Variants in DNAH11 observed in about 807,000 individuals in gnomAD.
DNAH11 encodes the protein axonemal beta dynein heavy chain 11.
Under a neutral mutation model 526.0 loss-of-function variants are expected in DNAH11, and 442 were observed. That is an observed-to-expected ratio of 0.84 (90% CI 0.78 to 0.91). DNAH11 has a LOEUF of 0.91. DNAH11 is among the 40% of genes least tolerant of loss of function. The pLI is 0.00. For synonymous variants in DNAH11, 2,461 were observed against 1,935.9 expected, an observed-to-expected ratio of 1.27 and a Z score of -7.12; for missense variants, 6,989 against 5,448.7, an observed-to-expected ratio of 1.28 and a Z score of -8.90.
chr7:21,782,500 T>C (rs1020302290), intron 57 of DNAH11, among the ~76,000 whole-genome samples: 12 of 152,242 alleles, frequency 7.9e-5, no homozygotes, highest in African/African-American at 9.6e-5. Flanking sequence ...TGTTCATTTG[T>C]ATAAGTGAGT....
intron 39 of DNAH11, 115 bp from the exon 40 acceptor site, chr7:21,707,584 C>A: frequency 5.4e-6 from 7 of 1,293,328 alleles, no homozygotes; most frequent in Non-Finnish European, 7.3e-6. Context: ...GATCTTAGCA[C>A]ACACACAGCA....
intron 34 of DNAH11, among the ~76,000 whole-genome samples, chr7:21,687,892 A>G (rs1562490882): frequency 6.6e-6 from 1 of 152,134 alleles, no homozygotes; most frequent in Non-Finnish European, 1.5e-5. Flanking sequence ...TGGTGTCTAC[A>G]AAATAAATAA....
intron 20 of DNAH11, among the ~76,000 whole-genome samples, chr7:21,609,256 C>T (rs1009053080): frequency 1.3e-5 from 2 of 152,072 alleles, no homozygotes; most frequent in African/African-American, 4.8e-5. Flanking sequence ...CGCTCTGTCA[C>T]CCAGGCTGGA....
At chr7:21,698,274 A>G in intron 36 of DNAH11, 61 bp downstream of exon 36, 1 of 1,590,192 alleles carries the variant, frequency 6.3e-7, no homozygotes, top group Non-Finnish European at 8.5e-7. Flanking sequence ...CTTTTGAAGT[A>G]TGGATTTTAG....
intron 35 of DNAH11, among the ~76,000 whole-genome samples, chr7:21,695,417 C>T (rs1031277633): frequency 1.3e-5 from 2 of 152,112 alleles, no homozygotes; most frequent in Non-Finnish European, 2.9e-5. Flanking sequence ...TGGAACAGAA[C>T]GGAGGCCTCA....
chr7:21,809,012 T>G (rs1789394118), intron 63 of DNAH11, among the ~76,000 whole-genome samples: 1 of 152,202 alleles, frequency 6.6e-6, no homozygotes, highest in Non-Finnish European at 1.5e-5. Flanking sequence ...TATACAAGCT[T>G]TCCCTTTTCT....
intron 2 of DNAH11, among the ~76,000 whole-genome samples, chr7:21,556,865 C>T (rs966910983): frequency 6.6e-6 from 1 of 152,194 alleles, no homozygotes; most frequent in Non-Finnish European, 1.5e-5. Context: ...AGTTTGAAAC[C>T]AGCCTGACCA....
chr7:21,824,933 G>A (rs967610801), intron 65 of DNAH11, among the ~76,000 whole-genome samples: 3 of 152,038 alleles, frequency 2.0e-5, no homozygotes, highest in Admixed American at 6.6e-5. Context: ...GTGCAGTGGC[G>A]GGATCTTGGC....
rs1023663585 is a variant in DNAH11 at position 21,591,370 on chromosome 7, G to A, written c.2460G>A (p.Thr820=). The part of the protein sequence containing the change: ...WGYIERVRAA[T]SELEHRVERT... ...ACATCGAGAGGGTGAGGGCAGCCAC[G>A]TCCGAGTTGGAGCACAGAGTTGAGC... is the stretch of plus-strand genomic sequence containing the variant. Residue 820 remains threonine, a synonymous_variant, in exon 14 of 82, where the codon ACG becomes ACA. Coordinates refer to ENST00000409508, the MANE Select transcript of DNAH11 (RefSeq NM_001277115.2). 32 of 1,613,802 alleles carry A rather than the reference G, an allele frequency of 2.0e-5. No individual in the cohort carries two copies. Among genetic ancestry groups the A allele is most frequent in the African/African-American group, 4.0e-5 (3 of 74,910 alleles).
rs58775729 is a variant in DNAH11, at chr7:21,786,302, A to ATG, written c.9598-296_9598-295dup. Among the ~76,000 whole-genome samples the ATG allele has an allele frequency of 0.17, 25,907 of 150,534 alleles. 2,383 individuals are homozygous for ATG. Among genetic ancestry groups the ATG allele is most frequent in the African/African-American group, 0.26 (10,767 of 40,880 alleles). ...TATAAATATCTTACAACATATACAC[A>ATG]TGTGTGTGTGTGTGTGTGTGTGTGT... is the stretch of plus-strand genomic sequence containing the variant. On this transcript the variant is annotated intron_variant, in intron 58 of 81. Coordinates refer to ENST00000409508, the MANE Select transcript of DNAH11 (RefSeq NM_001277115.2).
At chr7:21,620,222 T>G in intron 25 of DNAH11, 144 bp downstream of exon 25, 1 of 728,188 alleles carries the variant, frequency 1.4e-6, no homozygotes, top group Non-Finnish European at 2.1e-6. Flanking sequence ...CTCATACACT[T>G]AACATTTTTT....
chr7:21,900,203 G>A (rs1784717064), intron 81 of DNAH11, 83 bp downstream of exon 81: 2 of 1,403,882 alleles, frequency 1.4e-6, no homozygotes, highest in African/African-American at 2.9e-5. Flanking sequence ...CTGTTTCTCA[G>A]CATCTCCTCA....
chr7:21,883,144 T>C (rs1297285327), intron 75 of DNAH11, among the ~76,000 whole-genome samples: 3 of 152,268 alleles, frequency 2.0e-5, no homozygotes, highest in African/African-American at 4.8e-5. Flanking sequence ...AATAAACTTG[T>C]AGAAAAGTAC....
At chr7:21,843,998 A>C (rs1399372611) in intron 66 of DNAH11, among the ~76,000 whole-genome samples, 1 of 152,244 alleles carries the variant, frequency 6.6e-6, no homozygotes, top group Non-Finnish European at 1.5e-5. Flanking sequence ...CAGATGAACA[A>C]CATTATTCAT....
At chr7:21,657,070 T>C (rs2128465385) in intron 29 of DNAH11, among the ~76,000 whole-genome samples, 1 of 152,328 alleles carries the variant, frequency 6.6e-6, no homozygotes, top group African/African-American at 2.4e-5. Flanking sequence ...GTTTTTATAG[T>C]GCTCTAATTT....
chr7:21,805,520 T>A (rs1789223724), intron 62 of DNAH11, among the ~76,000 whole-genome samples: 1 of 152,152 alleles, frequency 6.6e-6, no homozygotes, highest in Non-Finnish European at 1.5e-5. Flanking sequence ...TTGAGAAATT[T>A]CACCAGTACT....
chr7:21,648,271 C>G (rs1422029699), intron 28 of DNAH11, among the ~76,000 whole-genome samples: 2 of 152,126 alleles, frequency 1.3e-5, no homozygotes, highest in African/African-American at 4.8e-5. Context: ...GTAAAATTGG[C>G]CACAAATTCT....
chr7:21,764,117 A>G (rs1452207520), intron 54 of DNAH11, among the ~76,000 whole-genome samples: 1 of 152,194 alleles, frequency 6.6e-6, no homozygotes, highest in Non-Finnish European at 1.5e-5. Flanking sequence ...TCTGCTGCAC[A>G]GCGCTGGACT....
chr7:21,763,226 C>T (rs1330568245), intron 54 of DNAH11, among the ~76,000 whole-genome samples: 1 of 151,418 alleles, frequency 6.6e-6, no homozygotes, highest in Non-Finnish European at 1.5e-5. Flanking sequence ...TCTGTAGTCC[C>T]AGCTACTCAG....
Sources: allele counts gnomAD v4.1 joint callset (sites outside exome capture counted in the v4.1 genomes callset), GRCh38; gene constraint gnomAD v4.1.1; transcripts MANE v1.5; gene names NCBI Gene and HGNC (gene_info 2026-07-23, HGNC 2026-07-21).